Variants in TNS1 observed in about 807,000 individuals in gnomAD.
TNS1 encodes tensin 1.
A neutral mutation model predicts 168.6 loss-of-function variants in TNS1; 62 were observed. That is an observed-to-expected ratio of 0.37 (90% CI 0.30 to 0.45). The LOEUF (loss-of-function observed/expected upper bound fraction) is 0.45, where lower values mean the gene tolerates loss of function less well. TNS1 is among the 20% of genes least tolerant of loss of function. The probability of loss-of-function intolerance (pLI) is 1.00; values close to 1 mark genes in which losing one functional copy is unlikely to be tolerated. For synonymous variants in TNS1, 934 were observed against 933.2 expected (o/e 1.00, Z -0.02); for missense variants, 2,240 against 2,339.4 (o/e 0.96, Z 0.88).
chr2:217,804,947 G>A (rs533065810), intron 32 of TNS1, among the ~76,000 whole-genome samples: 2 of 139,946 alleles, frequency 1.4e-5, no homozygotes, highest in African/African-American at 2.6e-5. Context: ...GCCTCTCCCC[G>A]CCCATCCCAG....
At chr2:217,859,049 A>G (rs1306916480) in intron 18 of TNS1, among the ~76,000 whole-genome samples, 4 of 118,602 alleles carry the variant, frequency 3.4e-5, no homozygotes, top group Non-Finnish European at 5.0e-5. Flanking sequence ...GCCCAGCCCC[A>G]CCGGGTCCCA....
intron 3 of TNS1, among the ~76,000 whole-genome samples, chr2:217,961,043 C>T (rs1306846515): frequency 6.6e-6 from 1 of 152,012 alleles, no homozygotes; most frequent in Non-Finnish European, 1.5e-5. Flanking sequence ...CAGGAAGGCT[C>T]CTCTCTCCCT....
intron 15 of TNS1, 89 bp from the exon 16 acceptor site, chr2:217,885,253 G>A: frequency 1.3e-6 from 2 of 1,561,392 alleles, no homozygotes; most frequent in Non-Finnish European, 1.7e-6. Context: ...CGCTGACTGA[G>A]CCCCCAAGGC....
intron 4 of TNS1, among the ~76,000 whole-genome samples, chr2:217,911,410 C>T (rs1048565662): frequency 1.2e-4 from 18 of 152,220 alleles, no homozygotes; most frequent in African/African-American, 2.4e-5. Context: ...ATTGCTCTCA[C>T]TCTGAGGTCC....
intron 8 of TNS1, among the ~76,000 whole-genome samples, chr2:217,896,695 T>C (rs1053462297): frequency 2.0e-5 from 3 of 152,170 alleles, no homozygotes; most frequent in Admixed American, 6.5e-5. Flanking sequence ...CTATGGAGGA[T>C]TTGGATCTAG....
intron 3 of TNS1, among the ~76,000 whole-genome samples, chr2:217,932,672 G>A (rs982751503): frequency 3.3e-5 from 5 of 152,204 alleles, no homozygotes; most frequent in African/African-American, 1.2e-4. Flanking sequence ...AGAAACAATA[G>A]AGGGAGAGGA....
intron 1 of TNS1, among the ~76,000 whole-genome samples, chr2:218,020,555 G>T (rs546502298): frequency 2.0e-5 from 3 of 151,508 alleles, no homozygotes; most frequent in African/African-American, 7.3e-5. Context: ...GCCCCCAAAG[G>T]CTGAGGATTG....
intron 1 of TNS1, among the ~76,000 whole-genome samples, chr2:217,991,961 G>A (rs1958377109): frequency 6.6e-6 from 1 of 152,048 alleles, no homozygotes; most frequent in Non-Finnish European, 1.5e-5. Flanking sequence ...TAAAGCCCTG[G>A]GTCAGTCACC....
Position 217,848,865 on chromosome 2 carries a change from G to A in TNS1, c.1652C>T (p.Ser551Phe), listed in dbSNP as rs1320658622. ...GGGACTCAAGGCAGCAGTGGCACTG[G>A]AGGCCCCGGGGACAGGCTCGTCGGT... Reference protein sequence around the residue: ...DKTDEPVPGASSATAALSPQE... With the variant: ...DKTDEPVPGAFSATAALSPQE... Residue 551 changes from serine to phenylalanine, a missense_variant, in exon 19 of 33, where the codon TCC becomes TTC. Around this residue, in one of 2 missense-constraint regions of TNS1, gnomAD observed 2,131 missense variants for 2,171.2 expected, o/e 0.98. Coordinates refer to ENST00000682258, the MANE Select transcript of TNS1 (RefSeq NM_001387777.1). The A allele has an allele frequency of 6.2e-7, 1 of 1,614,016 alleles. No individual in the cohort carries two copies. Among genetic ancestry groups the A allele is most frequent in the Non-Finnish European group, 8.5e-7 (1 of 1,179,990 alleles).
At chr2:217,841,306 G>A (rs1298368778) in intron 19 of TNS1, 1 of 984,722 alleles carries the variant, frequency 1.0e-6, no homozygotes, top group Non-Finnish European at 1.2e-6. Flanking sequence ...CCCACCCCAG[G>A]GGAGCCAGCA....
upstream of TNS1, among the ~76,000 whole-genome samples, chr2:218,003,888 C>T (rs1296326287): frequency 2.6e-5 from 4 of 151,822 alleles, no homozygotes; most frequent in African/African-American, 7.3e-5. Flanking sequence ...CCCCTCCCCT[C>T]GCCCCCACCT....
intron 6 of TNS1, chr2:217,903,777 A>C (rs972786628): frequency 9.4e-6 from 6 of 635,850 alleles, no homozygotes; most frequent in Non-Finnish European, 1.7e-5. Context: ...CATTGCAGGC[A>C]AGAGTGGATC....
At chr2:217,955,073 T>C (rs1575135237) in intron 3 of TNS1, among the ~76,000 whole-genome samples, 1 of 152,168 alleles carries the variant, frequency 6.6e-6, no homozygotes, top group Non-Finnish European at 1.5e-5. Context: ...GCCGGACAGG[T>C]GTCCGCCATA....
chr2:217,898,086 T>C, intron 7 of TNS1, 117 bp from the exon 8 acceptor site: 1 of 1,221,906 alleles, frequency 8.2e-7, no homozygotes, highest in Non-Finnish European at 1.1e-6. Flanking sequence ...CCAGGGTGCT[T>C]GGCTGCTCTT....
intron 3 of TNS1, among the ~76,000 whole-genome samples, chr2:217,959,414 C>T (rs1324703123): frequency 6.6e-6 from 1 of 151,812 alleles, no homozygotes; most frequent in African/African-American, 2.4e-5. Flanking sequence ...GGAACCTTAG[C>T]ATGGAACCTG....
intron 19 of TNS1, among the ~76,000 whole-genome samples, chr2:217,847,135 T>G (rs551325043): frequency 3.8e-4 from 58 of 152,312 alleles, no homozygotes; most frequent in African/African-American, 1.4e-3. Context: ...AGTCACCACC[T>G]CCTGGAAGCT....
intron 22 of TNS1, among the ~76,000 whole-genome samples, chr2:217,823,261 G>T (rs1943149906): frequency 6.6e-6 from 1 of 152,178 alleles, no homozygotes; most frequent in Non-Finnish European, 1.5e-5. Context: ...CTGCTGTTGT[G>T]GTGTGAGAGC....
At chr2:217,829,179 C>T (rs1002752510) in intron 22 of TNS1, among the ~76,000 whole-genome samples, 18 of 151,370 alleles carry the variant, frequency 1.2e-4, no homozygotes, top group African/African-American at 4.1e-4. Flanking sequence ...AGCTCAAGAC[C>T]AGCCTGGCCA....
upstream of TNS1, among the ~76,000 whole-genome samples, chr2:218,003,515 C>A (rs1487576115): frequency 1.3e-5 from 2 of 151,154 alleles, no homozygotes; most frequent in Non-Finnish European, 2.9e-5. Context: ...GCCCACGCGC[C>A]AAGCTCAGAG....
Sources: allele counts gnomAD v4.1 joint callset (sites outside exome capture counted in the v4.1 genomes callset), GRCh38; gene constraint gnomAD v4.1.1; regional missense constraint gnomAD v4.1.1; transcripts MANE v1.5; gene names NCBI Gene and HGNC (gene_info 2026-07-23, HGNC 2026-07-21).